The following OXSR1 variants were observed in gnomAD, a reference collection of about 807,000 sequenced individuals.
OXSR1 encodes the protein oxidative stress responsive kinase 1, also known as serine/threonine-protein kinase OSR1.
In OXSR1, 24 loss-of-function variants were observed where a neutral mutation model predicts 79.8. That is an observed-to-expected ratio of 0.30 (90% CI 0.22 to 0.42). OXSR1 has a LOEUF of 0.42. Among genes scored for constraint, OXSR1 ranks in the 10% least tolerant of loss-of-function variants. The pLI is 1.00. For missense variants in OXSR1, 430 were observed against 618.4 expected, an observed-to-expected ratio of 0.70 and a Z score of 3.23; for synonymous variants, 226 against 209.2, an observed-to-expected ratio of 1.08 and a Z score of -0.69.
At chr3:38,171,290 C>G (rs572244651) in intron 1 of OXSR1, among the ~76,000 whole-genome samples, 1 of 152,136 alleles carries the variant, frequency 6.6e-6, no homozygotes, top group Non-Finnish European at 1.5e-5. Context: ...ATGTTTGTTA[C>G]ATAGTATTTT....
intron 4 of OXSR1, among the ~76,000 whole-genome samples, chr3:38,205,940 A>G (rs1040238321): frequency 6.6e-6 from 1 of 152,124 alleles, no homozygotes; most frequent in Non-Finnish European, 1.5e-5. Flanking sequence ...TTTAAGGGGG[A>G]AGATTTATCT....
At chr3:38,216,222 C>G (rs892082558) in intron 5 of OXSR1, 71 bp downstream of exon 5, 19 of 979,982 alleles carry the variant, frequency 1.9e-5, no homozygotes, top group Non-Finnish European at 2.8e-5. Context: ...TTTATGTTTC[C>G]TTAATCAGCA....
rs571971401 is a variant in OXSR1 at position 38,171,057 on chromosome 3, A to G, written c.70+5111A>G. Among the ~76,000 whole-genome samples the G allele has an allele frequency of 3.9e-5, 6 of 152,284 alleles. No homozygotes were observed. The South Asian group carries it at 1.2e-3, about 32-fold the overall frequency. On this transcript the variant is annotated intron_variant, in intron 1 of 17. Transcript: ENST00000311806. ...TCCTAAAGTGTTGGGGTTTACAGGTATGAAGCACTGTGCCTGGCCAAGGGA... is the reference window on the plus strand; with the variant it reads ...TCCTAAAGTGTTGGGGTTTACAGGTGTGAAGCACTGTGCCTGGCCAAGGGA...
At chr3:38,203,514 A>G (rs9871064) in intron 4 of OXSR1, among the ~76,000 whole-genome samples, 1 of 151,768 alleles carries the variant, frequency 6.6e-6, no homozygotes, top group African/African-American at 2.4e-5. Flanking sequence ...TGGTTAATTT[A>G]AAAAAAATTT....
intron 3 of OXSR1, among the ~76,000 whole-genome samples, chr3:38,197,016 A>G (rs1702082677): frequency 6.6e-6 from 1 of 152,224 alleles, no homozygotes; most frequent in South Asian, 2.1e-4. Flanking sequence ...TTGTTTTCTT[A>G]CTAAGCAGTA....
upstream of OXSR1, chr3:38,165,304 G>T (rs1267348858): frequency 6.5e-6 from 1 of 152,952 alleles, no homozygotes; most frequent in Non-Finnish European, 1.5e-5. Context: ...TGTGGCTACT[G>T]CCTCTGTGCT....
chr3:38,213,055 A>G (rs1481240769), intron 4 of OXSR1, among the ~76,000 whole-genome samples: 1 of 152,154 alleles, frequency 6.6e-6, no homozygotes, highest in Non-Finnish European at 1.5e-5. Context: ...CAGGAAAAGT[A>G]GTCACTCAAA....
At chr3:38,210,230 C>G (rs1236973613) in intron 4 of OXSR1, among the ~76,000 whole-genome samples, 1 of 151,942 alleles carries the variant, frequency 6.6e-6, no homozygotes. Flanking sequence ...TTTTAGTGAG[C>G]CTGTGCTCCT....
At chr3:38,220,808 C>T (rs1341055872) in intron 5 of OXSR1, among the ~76,000 whole-genome samples, 2 of 152,100 alleles carry the variant, frequency 1.3e-5, no homozygotes, top group Non-Finnish European at 2.9e-5. Flanking sequence ...ATCAGGTATG[C>T]CCAGGGATCA....
chr3:38,206,498 TAAAAAAAA>T (rs1175334961), intron 4 of OXSR1, among the ~76,000 whole-genome samples: 1 of 136,324 alleles, frequency 7.3e-6, no homozygotes, highest in Non-Finnish European at 1.6e-5. Flanking sequence ...ATTGCATTCT[TAAAAAAAA>T]AAAAAAAAGA....
At chr3:38,252,778 T>C in intron 17 of OXSR1, 39 bp from the exon 18 acceptor site, 1 of 1,542,462 alleles carries the variant, frequency 6.5e-7, no homozygotes, top group Non-Finnish European at 9.0e-7. Flanking sequence ...CAAGTTTGTT[T>C]ATAAATAATC....
chr3:38,252,833 G>A lies in OXSR1; in HGVS notation c.1526G>A (p.Gly509Asp). ...VTFKLASGVE[G>D]SDIPDDGKLI... ...GGTTCTTAGGCATCTGGTGTCGAAG[G>A]CTCAGATATTCCTGATGATGGTAAA... The change falls in exon 18 of 18, where the codon GGC (glycine) becomes GAC (aspartate). Residue 509 changes from glycine to aspartate, a missense_variant. By Grantham distance (94) the Gly-to-Asp change is moderately conservative. Transcript: ENST00000311806. The A allele has an allele frequency of 6.2e-7, 1 of 1,613,184 alleles. No homozygotes were observed.
chr3:38,253,163 C>CTTG lies in OXSR1; in HGVS notation c.*274_*275insGTT, dbSNP rs1575381438. On this transcript the variant is annotated 3_prime_UTR_variant, in exon 18 of 18. Transcript: ENST00000311806. ...CTCCATCTGAGAAGTGGCCCATGTG[C>CTTG]TTCAAGGCCCAGGAGGGAGATCTGT... is the stretch of plus-strand genomic sequence containing the variant. 1.6e-5 allele frequency: 7 copies of CTTG among 435,186 alleles called. No individual in the cohort carries two copies. In the East Asian group the frequency reaches 2.9e-4, roughly 18 times the overall value. The allele number at this position is 435,186 out of a possible 1,614,324, so 27.0% of individuals were successfully genotyped here. A position where few individuals can be genotyped will look rare whatever the true frequency, so the allele number is the denominator to read the frequency against.
At position 38,193,356 on chromosome 3, in the gene OXSR1, A is replaced by G. The variant is rs1019121854; in HGVS notation, c.292+2517A>G. 4.9e-5 allele frequency: 63 copies of G among 1,289,108 alleles called. No homozygotes were observed. In the African/African-American group the frequency reaches 9.1e-4, roughly 19 times the overall value. The allele number at this position is 1,289,108 out of a possible 1,614,324, so 79.9% of individuals were successfully genotyped here. The stretch of plus-strand genomic sequence containing the variant: ...ATGGTTGGAAGCTTTGCTAACACCA[A>G]CCACCTTTCAAGATGGTGGTCAAGC... On this transcript the variant is annotated intron_variant, in intron 3 of 17. Coordinates refer to ENST00000311806, the MANE Select transcript of OXSR1 (RefSeq NM_005109.3).
At chr3:38,220,681 T>C (rs914362080) in intron 5 of OXSR1, among the ~76,000 whole-genome samples, 2 of 152,230 alleles carry the variant, frequency 1.3e-5, no homozygotes, top group Admixed American at 1.3e-4. Context: ...TTCAGGATGC[T>C]GTTAGCATGG....
chr3:38,169,895 A>G (rs796848775), intron 1 of OXSR1, among the ~76,000 whole-genome samples: 3 of 151,492 alleles, frequency 2.0e-5, no homozygotes, highest in African/African-American at 7.3e-5. Context: ...ACGTTTGGCT[A>G]ATTTTTGTGT....
At chr3:38,242,843 A>C in intron 12 of OXSR1, 65 bp downstream of exon 12, 1 of 1,021,826 alleles carries the variant, frequency 9.8e-7, no homozygotes, top group Non-Finnish European at 1.5e-6. Flanking sequence ...TTTCAATTCG[A>C]AGTGCTTTTG....
At position 38,244,904 on chromosome 3, in the gene OXSR1, G is replaced by A. The variant is rs187866163; in HGVS notation, c.1111-1171G>A. 9.2e-5 allele frequency among the ~76,000 whole-genome samples: 14 copies of A among 152,050 alleles called. No homozygotes were observed. The East Asian group carries it at 1.2e-3, about 13-fold the overall frequency. On this transcript the variant is annotated intron_variant, in intron 12 of 17. Transcript: ENST00000311806. ...TTCCATAGAGGCTGCACCATTTTAC[G>A]TGCTCATCAACGAGGGTTCCAATTT...
intron 1 of OXSR1, among the ~76,000 whole-genome samples, chr3:38,176,375 A>G (rs539738787): frequency 2.6e-5 from 4 of 152,344 alleles, no homozygotes; most frequent in African/African-American, 9.6e-5. Flanking sequence ...ACTTTTAGAT[A>G]TTCTTCCATA....
Sources: gnomAD v4.1 joint callset for allele counts (sites outside exome capture counted in the v4.1 genomes callset) on GRCh38, gnomAD v4.1.1 for gene constraint, MANE v1.5 for transcripts, NCBI Gene and HGNC (gene_info 2026-07-23, HGNC 2026-07-21) for gene names.